The following FBXL2 variants were observed in gnomAD, a reference collection of about 807,000 sequenced individuals.
The protein encoded by FBXL2 is F-box and leucine rich repeat protein 2, also known as F-box/LRR-repeat protein 2.
Under a neutral mutation model 69.2 loss-of-function variants are expected in FBXL2, and 38 were observed. The observed-to-expected ratio is 0.55, with a 90% CI of 0.42 to 0.72. The LOEUF (loss-of-function observed/expected upper bound fraction) is 0.72, where lower values mean the gene tolerates loss of function less well. Ranked by LOEUF, FBXL2 falls within the 30% of genes least tolerant of loss-of-function variation. The pLI is 0.00. For synonymous variants in FBXL2, 192 were observed against 201.3 expected (o/e 0.95, Z 0.39); for missense variants, 354 against 520.3 (o/e 0.68, Z 3.11).
intron 2 of FBXL2, among the ~76,000 whole-genome samples, chr3:33,344,663 T>A (rs902336007): frequency 1.2e-4 from 18 of 151,946 alleles, no homozygotes; most frequent in Non-Finnish European, 2.5e-4. Context: ...TACTTGAGCA[T>A]CAATTGGAAG....
intron 2 of FBXL2, among the ~76,000 whole-genome samples, chr3:33,310,373 G>A (rs1028439607): frequency 1.3e-5 from 2 of 151,894 alleles, no homozygotes; most frequent in Non-Finnish European, 1.5e-5. Context: ...GGCTGGTCTC[G>A]AACTCCTGAA....
At chr3:33,367,429 A>G (rs1559615062) in intron 5 of FBXL2, among the ~76,000 whole-genome samples, 1 of 152,168 alleles carries the variant, frequency 6.6e-6, no homozygotes, top group Non-Finnish European at 1.5e-5. Context: ...TTCTTCATAA[A>G]TGAGTTTTGG....
chr3:33,294,247 C>A (rs2035531535), intron 1 of FBXL2, among the ~76,000 whole-genome samples: 1 of 152,036 alleles, frequency 6.6e-6, no homozygotes. Context: ...TAGGGACATG[C>A]CACCATGCCC....
chr3:33,404,224 A>AACATGGTGAC (rs1198917033), downstream of FBXL2, among the ~76,000 whole-genome samples: 1 of 152,184 alleles, frequency 6.6e-6, no homozygotes, highest in African/African-American at 2.4e-5. Context: ...CATCCTGGCT[A>AACATGGTGAC]ACATGGTGAC....
At chr3:33,396,309 C>G (rs2043993211) in intron 12 of FBXL2, 1 of 1,529,894 alleles carries the variant, frequency 6.5e-7, no homozygotes. Context: ...ACTGATGAGC[C>G]TGGGAGAGAA....
intron 2 of FBXL2, among the ~76,000 whole-genome samples, chr3:33,352,893 TCAAAACAAAA>T (rs61461877): frequency 4.7e-4 from 71 of 149,546 alleles, no homozygotes; most frequent in East Asian, 1.2e-3. Context: ...AGACTCTGTC[TCAAAACAAAA>T]CAAAACAAAA....
chr3:33,350,705 G>A (rs2040769395), intron 2 of FBXL2, among the ~76,000 whole-genome samples: 1 of 151,822 alleles, frequency 6.6e-6, no homozygotes, highest in Admixed American at 6.6e-5. Flanking sequence ...CAAAGTGCTG[G>A]GATTACAGGT....
At chr3:33,413,878 G>C in the FBXL2 span, among the ~76,000 whole-genome samples, 2 of 152,204 alleles carry the variant, frequency 1.3e-5, no homozygotes, top group African/African-American at 4.8e-5. Flanking sequence ...GCATAGGCTA[G>C]TGGTGGCCCC....
At chr3:33,355,021 C>T (rs2041096987) in intron 2 of FBXL2, among the ~76,000 whole-genome samples, 1 of 152,176 alleles carries the variant, frequency 6.6e-6, no homozygotes, top group East Asian at 1.9e-4. Context: ...CTTGACCTCC[C>T]CGGGCTCTGT....
At chr3:33,318,855 A>G (rs2037947526) in intron 2 of FBXL2, among the ~76,000 whole-genome samples, 1 of 152,196 alleles carries the variant, frequency 6.6e-6, no homozygotes, top group African/African-American at 2.4e-5. Flanking sequence ...TCTGTCTTCA[A>G]CCATGGCTTC....
chr3:33,341,755 G>A (rs1159472032), intron 2 of FBXL2, among the ~76,000 whole-genome samples: 4 of 147,130 alleles, frequency 2.7e-5, no homozygotes, highest in African/African-American at 1.0e-4. Flanking sequence ...GCTTGAACCC[G>A]GGAGGTGGAG....
At chr3:33,384,571 G>A (rs1183004372) in intron 14 of FBXL2, among the ~76,000 whole-genome samples, 1 of 151,980 alleles carries the variant, frequency 6.6e-6, no homozygotes, top group East Asian at 1.9e-4. Flanking sequence ...AAAATAAATC[G>A]ATCAATCAAC....
the FBXL2 span, chr3:33,415,868 T>C: frequency 1.2e-4 from 19 of 152,304 alleles, no homozygotes; most frequent in African/African-American, 4.3e-4. Context: ...AACCCATCAT[T>C]TGATCCCTAA....
At chr3:33,409,164 G>A in the FBXL2 span, 2 of 1,422,496 alleles carry the variant, frequency 1.4e-6, no homozygotes, top group African/African-American at 1.4e-5. Context: ...TTTTGTAGCA[G>A]AACTCATCTT....
chr3:33,408,335 A>ATTGT (rs1487545708), downstream of FBXL2, among the ~76,000 whole-genome samples: 3 of 152,186 alleles, frequency 2.0e-5, no homozygotes, highest in Non-Finnish European at 4.4e-5. Context: ...TACTAAAGAA[A>ATTGT]GTATTTTCAA....
chr3:33,382,886 A>C (rs1236478838), intron 13 of FBXL2: 1 of 152,242 alleles, frequency 6.6e-6, no homozygotes. Flanking sequence ...CCCCAATTCC[A>C]TCTGCATCTA....
chr3:33,373,485 T>C, intron 7 of FBXL2, 93 bp from the exon 8 acceptor site: 1 of 1,584,504 alleles, frequency 6.3e-7, no homozygotes, highest in South Asian at 1.1e-5. Context: ...TGGTCTCCCC[T>C]TCGGAATTTC....
intron 2 of FBXL2, among the ~76,000 whole-genome samples, chr3:33,350,298 A>G (rs2040737960): frequency 6.6e-6 from 1 of 152,216 alleles, no homozygotes; most frequent in Non-Finnish European, 1.5e-5. Flanking sequence ...ATGTGGTCAC[A>G]TCAGAAAATG....
At chr3:33,396,393 G>A in intron 12 of FBXL2, 1 of 740,962 alleles carries the variant, frequency 1.3e-6, no homozygotes, top group Non-Finnish European at 2.2e-6. Context: ...ACTTTATAAT[G>A]TTATTTCGTT....
Sources: allele counts gnomAD v4.1 joint callset (sites outside exome capture counted in the v4.1 genomes callset), GRCh38; gene constraint gnomAD v4.1.1; transcripts MANE v1.5; gene names NCBI Gene and HGNC (gene_info 2026-07-23, HGNC 2026-07-21).